The following PINX1 variants were observed in gnomAD, a reference collection of about 807,000 sequenced individuals.
The protein encoded by PINX1 is PIN2 (TERF1) interacting telomerase inhibitor 1.
In PINX1, 34 loss-of-function variants were observed where a neutral mutation model predicts 25.4. The observed-to-expected ratio is 1.34, with a 90% CI of 1.02 to 1.78. PINX1 has a LOEUF of 1.78. Ranked by LOEUF, PINX1 falls within the 40% of genes most tolerant of loss-of-function variation. PINX1 has a pLI of 0.00. For synonymous variants in PINX1, 197 were observed against 147.7 expected (o/e 1.33, Z -2.42); for missense variants, 592 against 404.9 (o/e 1.46, Z -3.97).
At chr8:10,824,278 C>T (rs1217999584) in intron 5 of PINX1, among the ~76,000 whole-genome samples, 1 of 152,066 alleles carries the variant, frequency 6.6e-6, no homozygotes, top group Non-Finnish European at 1.5e-5. Context: ...GATAGTCCAC[C>T]CTAGAGGAAA....
chr8:10,778,932 T>G (rs751716691), intron 6 of PINX1, among the ~76,000 whole-genome samples: 1 of 152,208 alleles, frequency 6.6e-6, no homozygotes, highest in Non-Finnish European at 1.5e-5. Flanking sequence ...AAAGAGGGCC[T>G]GGCAAGCATC....
chr8:10,827,438 G>C (rs959129131), intron 4 of PINX1, among the ~76,000 whole-genome samples: 2 of 152,092 alleles, frequency 1.3e-5, no homozygotes, highest in Non-Finnish European at 2.9e-5. Context: ...AGGTTGATCA[G>C]AGCAGGTTGA....
intron 6 of PINX1, among the ~76,000 whole-genome samples, chr8:10,799,295 G>C (rs1028066193): frequency 6.6e-6 from 1 of 152,126 alleles, no homozygotes; most frequent in East Asian, 1.9e-4. Context: ...GGTCTCAACA[G>C]AACTGTTGAG....
chr8:10,826,186 G>A lies in PINX1; in HGVS notation c.360C>T (p.Ser120=). The change falls in exon 5 of 7, where the codon TCC becomes TCT. Residue 120 remains serine (S), a synonymous_variant. Coordinates refer to ENST00000314787, the MANE Select transcript of PINX1 (RefSeq NM_017884.6). ...SFSLEEKSKI[S]KNRVHYMKFT... ...ATTTCATATAGTGAACACGGTTTTT[G>A]GAGATTTTGGACTTTTCCTCAAGGC... 6.3e-7 allele frequency: 1 copy of A among 1,592,514 alleles called. No homozygotes were observed. The highest frequency in any genetic ancestry group is 1.1e-5 in the South Asian group (1 of 88,610).
intron 6 of PINX1, among the ~76,000 whole-genome samples, chr8:10,799,941 G>A (rs78050613): frequency 0.15 from 23,243 of 152,190 alleles, 2,400 homozygotes; most frequent in Non-Finnish European, 0.23. Flanking sequence ...TCCACTAGCT[G>A]ACTGCTAAGG....
At chr8:10,787,268 C>T (rs1801781823) in intron 6 of PINX1, among the ~76,000 whole-genome samples, 2 of 151,982 alleles carry the variant, frequency 1.3e-5, no homozygotes, top group East Asian at 1.9e-4. Flanking sequence ...TGCTTTATCA[C>T]CAGGCTGGAG....
At chr8:10,790,838 G>A (rs1801899835) in intron 6 of PINX1, among the ~76,000 whole-genome samples, 1 of 152,034 alleles carries the variant, frequency 6.6e-6, no homozygotes. Flanking sequence ...AAGCTCTCAA[G>A]TACACGCAAA....
chr8:10,782,859 A>G (rs1801631153), intron 6 of PINX1, among the ~76,000 whole-genome samples: 1 of 152,262 alleles, frequency 6.6e-6, no homozygotes, highest in African/African-American at 2.4e-5. Context: ...CAATAAAAAA[A>G]GGAAAACCCT....
At chr8:10,796,356 C>G (rs1246208693) in intron 6 of PINX1, among the ~76,000 whole-genome samples, 1 of 152,090 alleles carries the variant, frequency 6.6e-6, no homozygotes, top group Admixed American at 6.5e-5. Context: ...TTAATTTCAA[C>G]CAGAGTAGAG....
intron 6 of PINX1, among the ~76,000 whole-genome samples, chr8:10,797,263 T>C (rs1330920091): frequency 2.0e-5 from 3 of 152,188 alleles, no homozygotes; most frequent in African/African-American, 4.8e-5. Context: ...TTCAGGGACC[T>C]AGAAGGAAAC....
intron 4 of PINX1, among the ~76,000 whole-genome samples, chr8:10,829,728 C>T (rs918103747): frequency 3.9e-5 from 6 of 152,028 alleles, no homozygotes; most frequent in Non-Finnish European, 7.3e-5. Context: ...TCTTGTTGCC[C>T]AGGCTGGAGT....
At chr8:10,802,993 T>A (rs539100537) in intron 6 of PINX1, among the ~76,000 whole-genome samples, 1 of 152,198 alleles carries the variant, frequency 6.6e-6, no homozygotes, top group African/African-American at 2.4e-5. Context: ...AGGATGACCA[T>A]GACATTGTGA....
chr8:10,834,865 A>G, intron 1 of PINX1, 90 bp from the exon 2 acceptor site: 1 of 806,798 alleles, frequency 1.2e-6, no homozygotes, highest in Non-Finnish European at 2.0e-6. Flanking sequence ...TGTGTATTTT[A>G]TGTATGTATG....
Position 10,825,889 on chromosome 8 carries a change from T to C in PINX1, c.394+263A>G, listed in dbSNP as rs144972970. On this transcript the variant is annotated intron_variant, in intron 5 of 6. Coordinates refer to ENST00000314787, the MANE Select transcript of PINX1 (RefSeq NM_017884.6). ...CCGTTTTCCTCTAAATATAAGCTGATTCCATTTTTTAGCTCAGCCACAGGA... is the reference window on the plus strand; with the variant it reads ...CCGTTTTCCTCTAAATATAAGCTGACTCCATTTTTTAGCTCAGCCACAGGA... 7.3e-3 allele frequency among the ~76,000 whole-genome samples: 1,118 copies of C among 152,368 alleles called. 9 individuals carry two copies. The highest frequency in any genetic ancestry group is 0.011 in the Non-Finnish European group (772 of 68,040).
At position 10,818,976 on chromosome 8, in the gene PINX1, C is replaced by G. The variant is rs1238219043; in HGVS notation, c.471+1217G>C. Among the ~76,000 whole-genome samples, 4 of 152,312 alleles carry G rather than the reference C, an allele frequency of 2.6e-5. No homozygotes were observed. The South Asian group carries it at 8.3e-4, about 32-fold the overall frequency. ...GGCAGAGGTACAACCAGAAGCCAGC[C>G]TGTCTGACCATGGCTCTTTCCAGCA... On this transcript the variant is annotated intron_variant, in intron 6 of 6. Coordinates refer to ENST00000314787, the MANE Select transcript of PINX1 (RefSeq NM_017884.6).
At position 10,765,526 on chromosome 8, in the gene PINX1, C is replaced by T; in HGVS notation, c.862G>A (p.Asp288Asn). The T allele has an allele frequency of 1.2e-6, 2 of 1,613,720 alleles. No homozygotes were observed. Among genetic ancestry groups the T allele is most frequent in the Middle Eastern group, 1.6e-4 (1 of 6,062 alleles). Residue 288 changes from aspartate (D) to asparagine (N), a missense_variant, in exon 7 of 7, where the codon GAC (aspartate) becomes AAC (asparagine). Transcript: ENST00000314787. ...CTCTTTTTGGGCTTCAGGGTGAAGT[C>T]CCGGCCCTCAGGCGGCTGCACATGG... is the stretch of plus-strand genomic sequence containing the variant. ...GDHVQPPEGRDFTLKPKKRRG... is the reference protein window; with the variant it reads ...GDHVQPPEGRNFTLKPKKRRG...
chr8:10,765,906 C>G lies in PINX1; in HGVS notation c.482G>C (p.Ser161Thr). The G allele has an allele frequency of 1.9e-6, 3 of 1,613,584 alleles. No individual in the cohort carries two copies. The highest frequency in any genetic ancestry group is 2.5e-6 in the Non-Finnish European group (3 of 1,179,818). ...TTCGTTCTCCTCTGGAGTGGAGGGA[C>G]TGGCATCGCCCTATGGTGGGCAGAA... ...QSKKTPEGDA[S>T]PSTPEENETT... The change falls in exon 7 of 7, where the codon AGT becomes ACT. Residue 161 changes from serine to threonine, a missense_variant. Physicochemically the swap from Ser to Thr is moderately conservative, Grantham distance 58 (BLOSUM62 1). Coordinates refer to ENST00000314787, the MANE Select transcript of PINX1 (RefSeq NM_017884.6).
intron 6 of PINX1, among the ~76,000 whole-genome samples, chr8:10,818,585 T>C (rs1218523878): frequency 6.6e-6 from 1 of 151,990 alleles, no homozygotes; most frequent in Non-Finnish European, 1.5e-5. Context: ...GGGCAAAGGC[T>C]GGGGGTGGTG....
rs137859698 is a variant in PINX1 at position 10,810,282 on chromosome 8, A to T, written c.471+9911T>A. ...GTTTCCTTCCTTCCCAACTGATTTA[A>T]CGATGACTTCCACATTGCTAGTTAT... On this transcript the variant is annotated intron_variant, in intron 6 of 6. Coordinates refer to ENST00000314787, the MANE Select transcript of PINX1 (RefSeq NM_017884.6). Among the ~76,000 whole-genome samples the T allele has an allele frequency of 7.0e-4, 107 of 152,322 alleles. 1 individual carries two copies. The highest frequency in any genetic ancestry group is 2.3e-3 in the African/African-American group (94 of 41,568).
Sources: allele counts gnomAD v4.1 joint callset (sites outside exome capture counted in the v4.1 genomes callset), GRCh38; gene constraint gnomAD v4.1.1; transcripts MANE v1.5; gene names NCBI Gene and HGNC (gene_info 2026-07-23, HGNC 2026-07-21).